The following PLPP4 variants were observed in gnomAD, a reference collection of about 807,000 sequenced individuals.
PLPP4 encodes the protein phospholipid phosphatase 4.
A neutral mutation model predicts 32.2 loss-of-function variants in PLPP4; 20 were observed. That is an observed-to-expected ratio of 0.62 (90% confidence interval 0.44 to 0.90). The LOEUF (loss-of-function observed/expected upper bound fraction) is 0.90, where lower values mean the gene tolerates loss of function less well. Ranked by LOEUF, PLPP4 falls within the 40% of genes least tolerant of loss-of-function variation. The pLI, the probability that PLPP4 is intolerant of heterozygous loss-of-function variation, is 0.00. For synonymous variants in PLPP4, 127 were observed against 133.0 expected (o/e 0.95, Z 0.31); for missense variants, 257 against 353.1 (o/e 0.73, Z 2.18).
At chr10:120,501,044 G>T (rs988400204) in intron 1 of PLPP4, among the ~76,000 whole-genome samples, 2 of 152,140 alleles carry the variant, frequency 1.3e-5, no homozygotes, top group African/African-American at 2.4e-5. Context: ...TAATAGCAGG[G>T]GTTCCAGCTC....
At chr10:120,474,892 G>A (rs1235948284) in intron 1 of PLPP4, among the ~76,000 whole-genome samples, 2 of 152,176 alleles carry the variant, frequency 1.3e-5, no homozygotes, top group Non-Finnish European at 2.9e-5. Flanking sequence ...TTTTTTGGAT[G>A]AGAAATTCAA....
rs946404116 is a variant in PLPP4, at chr10:120,590,425, G to A, written c.*923G>A. 6.6e-6 allele frequency among the ~76,000 whole-genome samples: 1 copy of A among 152,186 alleles called. No homozygotes were observed. The highest frequency in any genetic ancestry group is 2.4e-5 in the African/African-American group (1 of 41,450). ...TGAGAATTTTTCCCCTTTAGGATCT[G>A]AGTTTTGCAGAGCTCTGCTCTAAGG... On this transcript the variant is annotated 3_prime_UTR_variant, in exon 7 of 7. Transcript: ENST00000398250.
At chr10:120,544,576 C>T (rs1473284532) in intron 5 of PLPP4, among the ~76,000 whole-genome samples, 1 of 152,222 alleles carries the variant, frequency 6.6e-6, no homozygotes, top group African/African-American at 2.4e-5. Flanking sequence ...CCGGGCCTCA[C>T]TCTTCCCTCT....
At chr10:120,544,751 C>A (rs10510072) in intron 5 of PLPP4, among the ~76,000 whole-genome samples, 31,059 of 152,194 alleles carry the variant, frequency 0.2, 3,801 homozygotes, top group Non-Finnish European at 0.27. Context: ...AGTTGTTGAA[C>A]TTCCACAGAG....
At chr10:120,563,527 G>A (rs11199406) in intron 5 of PLPP4, among the ~76,000 whole-genome samples, 4,146 of 149,436 alleles carry the variant, frequency 0.028, 89 homozygotes, top group South Asian at 0.072. Context: ...TAGGCCGGGC[G>A]CGGTGGCTCA....
chr10:120,519,068 C>T (rs887841881), intron 4 of PLPP4, among the ~76,000 whole-genome samples, 172 bp downstream of exon 4: 9 of 152,148 alleles, frequency 5.9e-5, no homozygotes, highest in African/African-American at 1.9e-4. Flanking sequence ...GAATTACAAA[C>T]TCACTATTTT....
At chr10:120,528,369 C>G (rs907455093) in intron 5 of PLPP4, among the ~76,000 whole-genome samples, 2 of 152,114 alleles carry the variant, frequency 1.3e-5, no homozygotes, top group African/African-American at 4.8e-5. Flanking sequence ...CCACCACGCC[C>G]GGCCGCCACT....
intron 1 of PLPP4, among the ~76,000 whole-genome samples, chr10:120,460,037 C>T (rs530534447): frequency 3.3e-5 from 5 of 152,258 alleles, no homozygotes; most frequent in African/African-American, 4.8e-5. Flanking sequence ...CCCCCGCTCC[C>T]GCAACCAACC....
At chr10:120,477,050 G>T (rs1015029844) in intron 1 of PLPP4, among the ~76,000 whole-genome samples, 1 of 152,066 alleles carries the variant, frequency 6.6e-6, no homozygotes, top group Admixed American at 6.5e-5. Context: ...CTTAAATCCA[G>T]TCTCTCCCTG....
At chr10:120,539,761 C>T (rs937997691) in intron 5 of PLPP4, among the ~76,000 whole-genome samples, 2 of 152,086 alleles carry the variant, frequency 1.3e-5, no homozygotes, top group African/African-American at 4.8e-5. Flanking sequence ...TTCATGGGCT[C>T]TCCCTCAGTT....
intron 6 of PLPP4, among the ~76,000 whole-genome samples, chr10:120,582,948 C>T (rs1313395258): frequency 6.6e-6 from 1 of 151,890 alleles, no homozygotes; most frequent in East Asian, 1.9e-4. Context: ...TTGCATACTT[C>T]CTGCTAGGTA....
chr10:120,578,301 G>T (rs1441564320), intron 6 of PLPP4, among the ~76,000 whole-genome samples: 2 of 152,208 alleles, frequency 1.3e-5, no homozygotes, highest in Non-Finnish European at 2.9e-5. Flanking sequence ...GTAGGTGGAT[G>T]TTTCAGGCAG....
chr10:120,580,950 C>G (rs781623433), intron 6 of PLPP4: 1 of 1,289,296 alleles, frequency 7.8e-7, no homozygotes, highest in East Asian at 5.6e-5. Flanking sequence ...CGGCTGCCAA[C>G]CCCCGCCTCT....
At chr10:120,501,114 G>A (rs1236171492) in intron 1 of PLPP4, among the ~76,000 whole-genome samples, 3 of 152,194 alleles carry the variant, frequency 2.0e-5, no homozygotes, top group Admixed American at 6.5e-5. Flanking sequence ...GCCCACATGA[G>A]AGATTCTAAG....
chr10:120,522,162 C>T (rs988069960), intron 5 of PLPP4, among the ~76,000 whole-genome samples: 4 of 152,138 alleles, frequency 2.6e-5, no homozygotes, highest in African/African-American at 4.8e-5. Context: ...AATTCTCCCA[C>T]GAGTCTGATT....
At chr10:120,503,025 T>A (rs1026367340) in intron 1 of PLPP4, among the ~76,000 whole-genome samples, 1 of 152,204 alleles carries the variant, frequency 6.6e-6, no homozygotes, top group Admixed American at 6.5e-5. Context: ...CTAGTCTCTC[T>A]TGTAGGGACA....
At chr10:120,476,665 G>A (rs1370105255) in intron 1 of PLPP4, among the ~76,000 whole-genome samples, 1 of 152,186 alleles carries the variant, frequency 6.6e-6, no homozygotes, top group African/African-American at 2.4e-5. Flanking sequence ...GATGATCCGA[G>A]CATCAGGAGC....
At chr10:120,586,396 G>C (rs1849764135) in intron 6 of PLPP4, among the ~76,000 whole-genome samples, 2 of 150,920 alleles carry the variant, frequency 1.3e-5, no homozygotes, top group South Asian at 4.2e-4. Flanking sequence ...CGCCCTCCTT[G>C]GTCTCACAAA....
intron 1 of PLPP4, among the ~76,000 whole-genome samples, chr10:120,459,720 A>C (rs114496654): frequency 0.016 from 2,420 of 152,274 alleles, 73 homozygotes; most frequent in African/African-American, 0.055. Flanking sequence ...GGATGAAAGA[A>C]TTATCTGCGG....
Sources: allele counts gnomAD v4.1 joint callset (sites outside exome capture counted in the v4.1 genomes callset), GRCh38; gene constraint gnomAD v4.1.1; transcripts MANE v1.5; gene names NCBI Gene and HGNC (gene_info 2026-07-23, HGNC 2026-07-21).